RAD18: variants seen among roughly 807,000 people sequenced by gnomAD.
RAD18 encodes the protein RAD18 E3 ubiquitin protein ligase, also known as E3 ubiquitin-protein ligase RAD18.
RAD18 carries 47 observed loss-of-function variants against 60.4 expected under a neutral mutation model. The ratio of observed to expected loss-of-function variants is 0.78; its 90% confidence interval spans 0.62 to 0.99. The LOEUF (loss-of-function observed/expected upper bound fraction) is 0.99. Among genes scored for constraint, RAD18 ranks in the 50% least tolerant of loss-of-function variants. The pLI is 0.00. For synonymous variants in RAD18, 225 were observed against 195.5 expected (o/e 1.15, Z -1.26); for missense variants, 640 against 593.3 (o/e 1.08, Z -0.82).
At position 8,891,083 on chromosome 3, in the gene RAD18, T is replaced by A. The variant is rs796726994; in HGVS notation, c.1323-632A>T. 1.4e-3 allele frequency among the ~76,000 whole-genome samples: 201 copies of A among 148,818 alleles called. 1 individual carries two copies. The highest frequency in any genetic ancestry group is 9.2e-3 in the East Asian group (47 of 5,086). Reference sequence around the variant, plus strand: ...AAAGCATATATATATAAAATATATATATATATATATATATCTGTGTTTTAT... The same window carrying A: ...AAAGCATATATATATAAAATATATAAATATATATATATATCTGTGTTTTAT... On this transcript the variant is annotated intron_variant, in intron 11 of 12. Coordinates refer to ENST00000264926, the MANE Select transcript of RAD18 (RefSeq NM_020165.4).
chr3:8,923,697 C>G (rs1408638317), intron 7 of RAD18, among the ~76,000 whole-genome samples: 4 of 152,188 alleles, frequency 2.6e-5, no homozygotes, highest in Non-Finnish European at 5.9e-5. Flanking sequence ...GGAAGCCCAT[C>G]AGACTAACAG....
rs557992985 is a variant in RAD18 at position 8,878,131 on chromosome 3, G to A, written c.*3226C>T. 2.0e-5 allele frequency: 3 copies of A among 152,420 alleles called. No homozygotes were observed. Among genetic ancestry groups the A allele is most frequent in the South Asian group, 2.1e-4 (1 of 4,808 alleles). 9.4% of individuals were successfully genotyped at this position (152,420 alleles called of 1,614,324 possible). On this transcript the variant is annotated 3_prime_UTR_variant, in exon 13 of 13. Transcript: ENST00000264926. ...AGCAGCGGTGAGGAGGGCAGATGCTGGTAGAAGTCTGTCGGGGGGAGCAGC... is the reference window on the plus strand; with the variant it reads ...AGCAGCGGTGAGGAGGGCAGATGCTAGTAGAAGTCTGTCGGGGGGAGCAGC...
At chr3:8,928,464 G>C (rs1337112921) in intron 7 of RAD18, among the ~76,000 whole-genome samples, 3 of 152,002 alleles carry the variant, frequency 2.0e-5, no homozygotes, top group African/African-American at 7.2e-5. Flanking sequence ...GGTATAATAG[G>C]TTTAAAGAAA....
intron 7 of RAD18, among the ~76,000 whole-genome samples, chr3:8,932,236 A>G (rs1940573860): frequency 6.6e-6 from 1 of 152,216 alleles, no homozygotes; most frequent in East Asian, 1.9e-4. Context: ...TAAGAAAATG[A>G]CAAGGTAAGC....
At chr3:8,963,173 C>G (rs1470509317) in intron 1 of RAD18, among the ~76,000 whole-genome samples, 162 bp downstream of exon 1, 2 of 152,198 alleles carry the variant, frequency 1.3e-5, no homozygotes, top group African/African-American at 4.8e-5. Flanking sequence ...AACTGAGACC[C>G]AGAGCCACGC....
intron 2 of RAD18, among the ~76,000 whole-genome samples, chr3:8,954,325 CATTT>C (rs1559801486): frequency 6.6e-6 from 1 of 152,186 alleles, no homozygotes; most frequent in African/African-American, 2.4e-5. Flanking sequence ...GACAAGGATT[CATTT>C]AAGTTTTAGA....
intron 7 of RAD18, among the ~76,000 whole-genome samples, chr3:8,934,928 A>G (rs1239813425): frequency 6.6e-6 from 1 of 152,270 alleles, no homozygotes; most frequent in Admixed American, 6.5e-5. Context: ...AATGAATCTT[A>G]TAATGTTGCA....
intron 12 of RAD18, among the ~76,000 whole-genome samples, chr3:8,886,859 G>A (rs928792702): frequency 6.6e-6 from 1 of 152,214 alleles, no homozygotes; most frequent in Non-Finnish European, 1.5e-5. Flanking sequence ...CCACAGTTGT[G>A]GGGTAGGGAA....
intron 9 of RAD18, among the ~76,000 whole-genome samples, chr3:8,908,867 C>A (rs541410447): frequency 6.6e-6 from 1 of 152,238 alleles, no homozygotes; most frequent in East Asian, 1.9e-4. Context: ...TTCCTATATC[C>A]CCAGCTCCGA....
intron 7 of RAD18, among the ~76,000 whole-genome samples, chr3:8,930,649 G>A (rs1940537784): frequency 6.6e-6 from 1 of 152,146 alleles, no homozygotes; most frequent in Non-Finnish European, 1.5e-5. Flanking sequence ...CTCAATAGAT[G>A]TAGAATAAGG....
At chr3:8,927,135 G>C (rs903492225) in intron 7 of RAD18, among the ~76,000 whole-genome samples, 1 of 152,086 alleles carries the variant, frequency 6.6e-6, no homozygotes, top group Non-Finnish European at 1.5e-5. Context: ...CTACAGAATG[G>C]GAGAAAATTT....
At chr3:8,936,119 G>A (rs1940649385) in intron 6 of RAD18, 64 bp from the exon 7 acceptor site, 1 of 1,356,426 alleles carries the variant, frequency 7.4e-7, no homozygotes, top group Non-Finnish European at 9.8e-7. Flanking sequence ...ATGTAAAATG[G>A]CAAATAAATT....
At chr3:8,944,636 G>C (rs1051702639) in intron 4 of RAD18, among the ~76,000 whole-genome samples, 1 of 142,862 alleles carries the variant, frequency 7.0e-6, no homozygotes, top group African/African-American at 2.6e-5. Context: ...GGAAAGGAGG[G>C]AGGAAGAAAG....
At chr3:8,940,755 T>C (rs941910697) in intron 5 of RAD18, among the ~76,000 whole-genome samples, 3 of 152,194 alleles carry the variant, frequency 2.0e-5, no homozygotes, top group African/African-American at 4.8e-5. Context: ...AAATGAATAG[T>C]GAGGATCTGG....
Position 8,934,788 on chromosome 3 carries a change from A to G in RAD18, c.889+1083T>C, listed in dbSNP as rs1940620979. On this transcript the variant is annotated intron_variant, in intron 7 of 12. Coordinates refer to ENST00000264926, the MANE Select transcript of RAD18 (RefSeq NM_020165.4). ...ATAAAAGATTATTTGTAGCAGCATT[A>G]TTAATAGAGGAAAAGTGGGAACAAA... 1.3e-5 allele frequency among the ~76,000 whole-genome samples: 2 copies of G among 152,278 alleles called. 1 individual carries two copies. Among genetic ancestry groups the G allele is most frequent in the South Asian group, 4.1e-4 (2 of 4,838 alleles).
intron 7 of RAD18, among the ~76,000 whole-genome samples, chr3:8,914,732 A>C (rs940029445): frequency 2.0e-5 from 3 of 152,152 alleles, no homozygotes; most frequent in African/African-American, 7.2e-5. Flanking sequence ...CTCCTTTCCA[A>C]AATGAGTCAT....
At chr3:8,958,718 A>C (rs973742684) in intron 2 of RAD18, among the ~76,000 whole-genome samples, 2 of 152,234 alleles carry the variant, frequency 1.3e-5, no homozygotes, top group African/African-American at 4.8e-5. Flanking sequence ...AATATCAAAG[A>C]GGAACGAGGT....
Position 8,902,444 on chromosome 3 carries a change from T to A in RAD18, c.1104A>T (p.Ser368=). 6.2e-7 allele frequency: 1 copy of A among 1,611,052 alleles called. No individual in the cohort carries two copies. The highest frequency in any genetic ancestry group is 1.3e-5 in the African/African-American group (1 of 74,868). The change falls in exon 10 of 13, where the codon TCA becomes TCT. Residue 368 remains serine (S), a synonymous_variant. Coordinates refer to ENST00000264926, the MANE Select transcript of RAD18 (RefSeq NM_020165.4). Reference sequence around the variant, plus strand: ...CTTTTGTTATTGTTACTGTTTTTTGTGACATTCCAGCAATTTTCTTGTATC... The same window carrying A: ...CTTTTGTTATTGTTACTGTTTTTTGAGACATTCCAGCAATTTTCTTGTATC... ...RKGYKKIAGM[S]QKTVTITKED...
At chr3:8,922,053 C>T (rs1057278960) in intron 7 of RAD18, among the ~76,000 whole-genome samples, 5 of 152,168 alleles carry the variant, frequency 3.3e-5, no homozygotes, top group African/African-American at 1.2e-4. Flanking sequence ...AACTGAGGTA[C>T]CAGGTTCATC....
Sources: gnomAD v4.1 joint callset for allele counts (sites outside exome capture counted in the v4.1 genomes callset) on GRCh38, gnomAD v4.1.1 for gene constraint, MANE v1.5 for transcripts, NCBI Gene and HGNC (gene_info 2026-07-23, HGNC 2026-07-21) for gene names.